Variants in ATP5F1C observed in about 807,000 individuals in gnomAD.
ATP5F1C encodes ATP synthase F(1) complex subunit gamma, mitochondrial.
Under a neutral mutation model 37.4 loss-of-function variants are expected in ATP5F1C, and 22 were observed. That is an observed-to-expected ratio of 0.59 (90% CI 0.42 to 0.84). The LOEUF is 0.84. Ranked by LOEUF, ATP5F1C falls within the 40% of genes least tolerant of loss-of-function variation. The pLI is 0.00. For synonymous variants in ATP5F1C, 121 were observed against 128.0 expected (o/e 0.95, Z 0.37); for missense variants, 286 against 362.4 (o/e 0.79, Z 1.71).
intron 1 of ATP5F1C, among the ~76,000 whole-genome samples, chr10:7,792,167 A>G (rs1219333459): frequency 2.6e-5 from 4 of 152,378 alleles, no homozygotes; most frequent in South Asian, 4.1e-4. Context: ...CTGTTGTAGT[A>G]GAACAGTCAT....
chr10:7,802,054 A>C (rs1352962965), intron 6 of ATP5F1C, among the ~76,000 whole-genome samples: 1 of 152,230 alleles, frequency 6.6e-6, no homozygotes, highest in Non-Finnish European at 1.5e-5. Flanking sequence ...GTGGAGTAGA[A>C]TATCAAATGG....
chr10:7,800,499 A>T (rs3134738), intron 6 of ATP5F1C, among the ~76,000 whole-genome samples: 30,357 of 110,034 alleles, frequency 0.28, 3,371 homozygotes, highest in South Asian at 0.34. Context: ...TTATTTTTTT[A>T]TTTTTTATTT....
At chr10:7,801,054 TTGAC>T (rs55656831) in intron 6 of ATP5F1C, among the ~76,000 whole-genome samples, 52,857 of 151,964 alleles carry the variant, frequency 0.35, 9,196 homozygotes, top group South Asian at 0.44. Context: ...CTAATTTACA[TTGAC>T]TGACTCAATT....
At chr10:7,807,610 C>T in intron 9 of ATP5F1C, 49 bp from the exon 10 acceptor site, 1 of 1,580,360 alleles carries the variant, frequency 6.3e-7, no homozygotes, top group Non-Finnish European at 8.6e-7. Context: ...CATTATTTTC[C>T]CAAAAAATGC....
intron 1 of ATP5F1C, among the ~76,000 whole-genome samples, chr10:7,790,087 T>A (rs961052781): frequency 2.6e-5 from 4 of 152,272 alleles, no homozygotes; most frequent in Non-Finnish European, 5.9e-5. Context: ...TTCCTTCCTC[T>A]TCTGCCATTT....
intron 1 of ATP5F1C, among the ~76,000 whole-genome samples, chr10:7,794,263 GGGCTATTTTTATTCTTT>G (rs1836203706): frequency 6.6e-6 from 1 of 152,078 alleles, no homozygotes; most frequent in Non-Finnish European, 1.5e-5. Flanking sequence ...GTTCTAGGAG[GGGCTATTTTTATTCTTT>G]GGGATTTTCT....
chr10:7,792,280 C>T (rs112640172), intron 1 of ATP5F1C, among the ~76,000 whole-genome samples: 3 of 152,180 alleles, frequency 2.0e-5, no homozygotes, highest in Middle Eastern at 3.4e-3. Context: ...TAATATTTTT[C>T]GTGCTGTAGT....
At chr10:7,807,456 A>G (rs932714960) in intron 9 of ATP5F1C, among the ~76,000 whole-genome samples, 1 of 152,208 alleles carries the variant, frequency 6.6e-6, no homozygotes, top group African/African-American at 2.4e-5. Flanking sequence ...GCAAAATAAC[A>G]TTATCATGAA....
At chr10:7,804,958 T>G (rs557098227) in intron 8 of ATP5F1C, among the ~76,000 whole-genome samples, 1 of 152,364 alleles carries the variant, frequency 6.6e-6, no homozygotes, top group African/African-American at 2.4e-5. Context: ...CAACTAGAAC[T>G]TTTTGAGCCA....
At chr10:7,798,096 G>T (rs1017195594) in intron 3 of ATP5F1C, among the ~76,000 whole-genome samples, 6 of 152,140 alleles carry the variant, frequency 3.9e-5, no homozygotes, top group Non-Finnish European at 7.4e-5. Context: ...ACTTAAGGAA[G>T]ATTTATGCAT....
chr10:7,798,835 C>T (rs926561355), intron 3 of ATP5F1C, among the ~76,000 whole-genome samples, 155 bp from the exon 4 acceptor site: 1 of 152,220 alleles, frequency 6.6e-6, no homozygotes, highest in East Asian at 1.9e-4. Flanking sequence ...CCGGCCTCAG[C>T]TTACAGCTGT....
intron 1 of ATP5F1C, 123 bp downstream of exon 1, chr10:7,788,386 G>T: frequency 7.3e-7 from 1 of 1,372,634 alleles, no homozygotes; most frequent in South Asian, 1.2e-5. Context: ...TGGGCCCCTG[G>T]CCCGTCGGAG....
In ATP5F1C at chr10:7,788,197, C is replaced by T; in HGVS notation, c.-11C>T. 6.2e-7 allele frequency: 1 copy of T among 1,613,140 alleles called. No homozygotes were observed. The highest frequency in any genetic ancestry group is 8.5e-7 in the Non-Finnish European group (1 of 1,179,904). On this transcript the variant is annotated 5_prime_UTR_variant, in exon 1 of 10. Coordinates refer to ENST00000356708, the MANE Select transcript of ATP5F1C (RefSeq NM_001001973.3). ...CCTGCCTGACCGACCTTCAGCAGGGCTGTGGCTACCATGTTCTCTCGCGCG... is the reference window on the plus strand; with the variant it reads ...CCTGCCTGACCGACCTTCAGCAGGGTTGTGGCTACCATGTTCTCTCGCGCG...
chr10:7,797,221 A>T, intron 3 of ATP5F1C, 43 bp downstream of exon 3: 1 of 1,603,838 alleles, frequency 6.2e-7, no homozygotes. Context: ...GAACTGTTTC[A>T]CACAAGGAAG....
chr10:7,800,092 G>A lies in ATP5F1C; in HGVS notation c.637+1G>A, dbSNP rs1836326088. On this transcript the variant is annotated splice_donor_variant, in intron 6 of 9. Coordinates refer to ENST00000356708, the MANE Select transcript of ATP5F1C (RefSeq NM_001001973.3). LOFTEE classifies it high-confidence loss of function. ...TCCCTTAATACCGTTGCAAGTGCTGGTAAGTAGTTTTTCTATGATACATAT... is the reference window on the plus strand; with the variant it reads ...TCCCTTAATACCGTTGCAAGTGCTGATAAGTAGTTTTTCTATGATACATAT... 1 of 1,613,428 alleles carries A rather than the reference G, an allele frequency of 6.2e-7. No homozygotes were observed. The highest frequency in any genetic ancestry group is 8.5e-7 in the Non-Finnish European group (1 of 1,179,728).
At chr10:7,804,847 G>C (rs1308865998) in intron 8 of ATP5F1C, among the ~76,000 whole-genome samples, 3 of 152,190 alleles carry the variant, frequency 2.0e-5, no homozygotes, top group Non-Finnish European at 1.5e-5. Context: ...GAAAATGTGG[G>C]TCCATGGTTT....
rs760020061 is a variant in ATP5F1C at position 7,799,114 on chromosome 10, C to T, written c.348C>T (p.Ser116=). 1.7e-5 allele frequency: 28 copies of T among 1,613,686 alleles called. No homozygotes were observed. The South Asian group carries it at 2.2e-4, about 13-fold the overall frequency. The change falls in exon 4 of 10, where the codon AGC becomes AGT. Residue 116 remains serine, a synonymous_variant. Coordinates refer to ENST00000356708, the MANE Select transcript of ATP5F1C (RefSeq NM_001001973.3). ...CCTCCATTGCTAAACAGATGAAAAG[C>T]GAGGTTGCTACACTAACAGCAGCTG... The part of the protein sequence containing the change: ...IHSSIAKQMK[S]EVATLTAAGK...
At chr10:7,791,593 T>TA (rs777396240) in intron 1 of ATP5F1C, among the ~76,000 whole-genome samples, 82 of 152,334 alleles carry the variant, frequency 5.4e-4, no homozygotes, top group Non-Finnish European at 9.1e-4. Context: ...TCATGGTAGA[T>TA]AGTGGTAATC....
At chr10:7,795,734 A>G (rs1836227057) in intron 1 of ATP5F1C, among the ~76,000 whole-genome samples, 1 of 152,200 alleles carries the variant, frequency 6.6e-6, no homozygotes, top group South Asian at 2.1e-4. Context: ...GGTTGCTGTG[A>G]ACTAAGGAAA....
Sources: gnomAD v4.1 joint callset for allele counts (sites outside exome capture counted in the v4.1 genomes callset) on GRCh38, gnomAD v4.1.1 for gene constraint, MANE v1.5 for transcripts, NCBI Gene and HGNC (gene_info 2026-07-23, HGNC 2026-07-21) for gene names.